The following DFFA variants were observed in gnomAD, a reference collection of about 807,000 sequenced individuals.
DFFA encodes the protein DFF45.
A neutral mutation model predicts 28.0 loss-of-function variants in DFFA; 14 were observed. The ratio of observed to expected loss-of-function variants is 0.50; its 90% CI spans 0.33 to 0.78. The LOEUF is 0.78. Among genes scored for constraint, DFFA ranks in the 30% least tolerant of loss-of-function variants. The pLI is 0.02. For synonymous variants in DFFA, 158 were observed against 170.3 expected (o/e 0.93, Z 0.56); for missense variants, 395 against 407.1 (o/e 0.97, Z 0.26).
rs757575044 is a variant in DFFA, at chr1:10,472,432, TAC to T, written c.25_26del (p.Val9ThrfsTer39). The T allele has an allele frequency of 3.7e-6, 6 of 1,611,010 alleles. No individual in the cohort carries two copies. Among genetic ancestry groups the T allele is most frequent in the Non-Finnish European group, 5.1e-6 (6 of 1,178,368 alleles). On this transcript the variant is annotated frameshift_variant, in exon 1 of 6. Transcript: ENST00000377038. LOFTEE classifies it high-confidence loss of function. This position sits in a 1 kb window ranked among gnomAD's most constrained non-coding sequence, Gnocchi z 5.0. ...GAGTCCGGATCTCGCCAGATTCTGG[TAC>T]CCCGGCGTCCCCGGTCACCTCCATC... MEVTGDAG[V>X]PESGEIRTLK... is the part of the protein sequence containing the mutation.
At chr1:10,469,137 T>C (rs2781233) in intron 2 of DFFA, 40 bp downstream of exon 2, 782,111 of 1,597,036 alleles carry the variant, frequency 0.49, 196,924 homozygotes, top group Non-Finnish European at 0.52. Flanking sequence ...ATGGATGCTG[T>C]ACTGCATAGG....
intron 1 of DFFA, 145 bp from the exon 2 acceptor site, chr1:10,469,483 A>G (rs1186742763): frequency 3.0e-6 from 2 of 670,906 alleles, no homozygotes; most frequent in East Asian, 2.7e-5. Flanking sequence ...TTCTAGCACT[A>G]CCAGAACACT....
intron 5 of DFFA, chr1:10,462,011 C>T (rs577842573): frequency 1.1e-4 from 28 of 244,782 alleles, no homozygotes; most frequent in Middle Eastern, 4.1e-3. Context: ...CCCACGACCA[C>T]GCCTGGCTAA....
chr1:10,462,147 C>A (rs192788301), intron 5 of DFFA, among the ~76,000 whole-genome samples: 1 of 152,022 alleles, frequency 6.6e-6, no homozygotes, highest in Non-Finnish European at 1.5e-5. Flanking sequence ...CGTGAGCCAC[C>A]GCGCCCAGCC....
intron 2 of DFFA, among the ~76,000 whole-genome samples, chr1:10,467,562 G>A (rs1641040676): frequency 6.6e-6 from 1 of 151,266 alleles, no homozygotes; most frequent in South Asian, 2.1e-4. Flanking sequence ...CCAGGCTGGA[G>A]TGCAGTGGCA....
intron 3 of DFFA, among the ~76,000 whole-genome samples, chr1:10,466,602 C>A (rs1014722610): frequency 6.6e-6 from 1 of 152,030 alleles, no homozygotes; most frequent in Non-Finnish European, 1.5e-5. Context: ...CATTCTCTAG[C>A]AGGGCATCCC....
intron 3 of DFFA, among the ~76,000 whole-genome samples, chr1:10,464,278 G>GA (rs1640992533): frequency 6.6e-6 from 1 of 151,806 alleles, no homozygotes; most frequent in African/African-American, 2.4e-5. Context: ...ATTTTTAGTA[G>GA]AGACGGGGTT....
At position 10,461,689 on chromosome 1, in the gene DFFA, T is replaced by C. The variant is rs757447705; in HGVS notation, c.797A>G (p.Glu266Gly). The C allele has an allele frequency of 5.6e-6, 9 of 1,614,106 alleles. No individual in the cohort carries two copies. The South Asian group carries it at 9.9e-5, about 18-fold the overall frequency. The change falls in exon 6 of 6, where the codon GAA (glutamate) becomes GGA (glycine). Residue 266 changes from glutamate (E) to glycine (G), a missense_variant. Transcript: ENST00000377038. Reference protein sequence around the residue: ...SSQDLELVTKEDPKALAVALN... With the variant: ...SSQDLELVTKGDPKALAVALN... The stretch of plus-strand genomic sequence containing the variant: ...GGCAACAGCCAGTGCTTTGGGGTCT[T>C]CCTTGGTAACCAACTGCAGCAAGAA...
At position 10,467,293 on chromosome 1, in the gene DFFA, A is replaced by C. The variant is rs748300602; in HGVS notation, c.338T>G (p.Val113Gly). 1.9e-6 allele frequency: 3 copies of C among 1,614,144 alleles called. No individual in the cohort carries two copies. The highest frequency in any genetic ancestry group is 1.6e-4 in the Middle Eastern group (1 of 6,062). The change falls in exon 3 of 6, where the codon GTA (valine) becomes GGA (glycine). Residue 113 changes from valine (V) to glycine (G), a missense_variant. Physicochemically the swap from Val to Gly is moderately radical, Grantham distance 109. Transcript: ENST00000377038. ...CCCTGCCCCGCTGTCTGTTTCATCTACATCAAAGGACTCTTGGGAAATCCA... is the reference window on the plus strand; with the variant it reads ...CCCTGCCCCGCTGTCTGTTTCATCTCCATCAAAGGACTCTTGGGAAATCCA... ...TAWISQESFD[V>G]DETDSGAGLK...
chr1:10,461,697 A>C lies in DFFA; in HGVS notation c.789T>G (p.Val263=). The part of the protein sequence containing the change: ...LSLSSQDLEL[V]TKEDPKALAV... The stretch of plus-strand genomic sequence containing the variant: ...CCAGTGCTTTGGGGTCTTCCTTGGT[A>C]ACCAACTGCAGCAAGAATAAAAACC... Residue 263 remains valine, a synonymous_variant, in exon 6 of 6, where the codon GTT becomes GTG. Coordinates refer to ENST00000377038, the MANE Select transcript of DFFA (RefSeq NM_004401.3). 1 of 1,614,098 alleles carries C rather than the reference A, an allele frequency of 6.2e-7. No individual in the cohort carries two copies. Among genetic ancestry groups the C allele is most frequent in the Non-Finnish European group, 8.5e-7 (1 of 1,179,978 alleles).
intron 2 of DFFA, 143 bp downstream of exon 2, chr1:10,469,034 C>A (rs867753892): frequency 3.9e-5 from 34 of 860,886 alleles, no homozygotes; most frequent in Middle Eastern, 3.6e-4. Flanking sequence ...AGCACCATGT[C>A]TGGCACATAG....
rs7537164 is a variant in DFFA at position 10,459,033 on chromosome 1, C to T, written c.*2457G>A. The T allele has an allele frequency of 0.88, 133,081 of 151,712 alleles. 58,667 individuals are homozygous for T. Among genetic ancestry groups the T allele is most frequent in the Middle Eastern group, 0.96 (283 of 294 alleles). 9.4% of individuals were successfully genotyped at this position (151,712 alleles called of 1,614,324 possible). Reference sequence around the variant, plus strand: ...ACACCCGGCTAATTTTTTATAATTTCAGTAGAGACGGGGTTTCACCATGTT... The same window carrying T: ...ACACCCGGCTAATTTTTTATAATTTTAGTAGAGACGGGGTTTCACCATGTT... On this transcript the variant is annotated 3_prime_UTR_variant, in exon 6 of 6. Coordinates refer to ENST00000377038, the MANE Select transcript of DFFA (RefSeq NM_004401.3).
In DFFA at chr1:10,460,420, G is replaced by A. The variant is rs1412942969; in HGVS notation, c.*1070C>T. ...ATTTTTGTATTTTTAGTAGAGACGGGGTTTCACCATATTGGCCAGGTTGGT... is the reference window on the plus strand; with the variant it reads ...ATTTTTGTATTTTTAGTAGAGACGGAGTTTCACCATATTGGCCAGGTTGGT... On this transcript the variant is annotated 3_prime_UTR_variant, in exon 6 of 6. Transcript: ENST00000377038. 2 of 150,928 alleles carry A rather than the reference G, an allele frequency of 1.3e-5. No individual in the cohort carries two copies. Among genetic ancestry groups the A allele is most frequent in the African/African-American group, 4.9e-5 (2 of 41,026 alleles). The allele number at this position is 150,928 out of a possible 1,614,324, so 9.3% of individuals were successfully genotyped here.
rs1256220252 is a variant in DFFA at position 10,457,140 on chromosome 1, G to T, written c.*4350C>A. Reference sequence around the variant, plus strand: ...TAGCACTTCATTCCTTTCTTGGGGGGGACTGGATTATTTATTTTGAGACAG... The same window carrying T: ...TAGCACTTCATTCCTTTCTTGGGGGTGACTGGATTATTTATTTTGAGACAG... On this transcript the variant is annotated 3_prime_UTR_variant, in exon 6 of 6. Coordinates refer to ENST00000377038, the MANE Select transcript of DFFA (RefSeq NM_004401.3). 1 of 151,998 alleles carries T rather than the reference G, an allele frequency of 6.6e-6. No individual in the cohort carries two copies. Among genetic ancestry groups the T allele is most frequent in the Non-Finnish European group, 1.5e-5 (1 of 68,042 alleles). The allele number at this position is 151,998 out of a possible 1,614,324, so 9.4% of individuals were successfully genotyped here.
chr1:10,463,671 CTT>C (rs200149870), intron 3 of DFFA, 51 bp from the exon 4 acceptor site: 1,962 of 1,259,660 alleles, frequency 1.6e-3, no homozygotes, highest in South Asian at 4.0e-3. Context: ...TTCTGACTTT[CTT>C]TTTTTTTTTT....
chr1:10,467,783 T>C (rs1557795667), intron 2 of DFFA, among the ~76,000 whole-genome samples: 1 of 152,194 alleles, frequency 6.6e-6, no homozygotes, highest in East Asian at 1.9e-4. Flanking sequence ...AGTGCTGGGA[T>C]TACAGGCATA....
chr1:10,471,537 T>C (rs988576746), intron 1 of DFFA, among the ~76,000 whole-genome samples: 8 of 152,162 alleles, frequency 5.3e-5, no homozygotes, highest in African/African-American at 1.7e-4. Context: ...AATTTCCATA[T>C]GATTTCTGTT....
rs1640904799 is a variant in DFFA, at chr1:10,460,026, C to T, written c.*1464G>A. On this transcript the variant is annotated 3_prime_UTR_variant, in exon 6 of 6. Transcript: ENST00000377038. ...TTGGGAGGCTGAGGTGGGTGGATCA[C>T]CTGAGGTCAGGAGTTTGAGACCAGC... The T allele has an allele frequency of 6.6e-6, 1 of 151,880 alleles. No homozygotes were observed. The highest frequency in any genetic ancestry group is 1.5e-5 in the Non-Finnish European group (1 of 68,020). The allele number at this position is 151,880 out of a possible 1,614,324, so 9.4% of individuals were successfully genotyped here.
At position 10,456,750 on chromosome 1, in the gene DFFA, G is replaced by C. The variant is rs548786423; in HGVS notation, c.*4740C>G. On this transcript the variant is annotated 3_prime_UTR_variant, in exon 6 of 6. Transcript: ENST00000377038. ...CAAAGCCAGTTGCCTCATGAGGACC[G>C]ACATTTGACTTAAGCTGAAATAATG... The C allele has an allele frequency of 6.6e-6, 1 of 152,170 alleles. No homozygotes were observed. The highest frequency in any genetic ancestry group is 1.5e-5 in the Non-Finnish European group (1 of 68,030). 9.4% of individuals were successfully genotyped at this position (152,170 alleles called of 1,614,324 possible). A position where few individuals can be genotyped will look rare whatever the true frequency, so the allele number is the denominator to read the frequency against.
Sources: allele counts gnomAD v4.1 joint callset (sites outside exome capture counted in the v4.1 genomes callset), GRCh38; gene constraint gnomAD v4.1.1; non-coding constraint Gnocchi (gnomAD v3.1); transcripts MANE v1.5; gene names NCBI Gene and HGNC (gene_info 2026-07-23, HGNC 2026-07-21).